SBSPON: variants seen among roughly 807,000 people sequenced by gnomAD.
The protein encoded by SBSPON is somatomedin-B and thrombospondin type-1 domain-containing protein.
Under a neutral mutation model 35.8 loss-of-function variants are expected in SBSPON, and 30 were observed. The observed-to-expected ratio is 0.84, with a 90% CI of 0.63 to 1.14. SBSPON has a LOEUF of 1.14. Among genes scored for constraint, SBSPON ranks in the 50% most tolerant of loss-of-function variants. The pLI is 0.00. For synonymous variants in SBSPON, 136 were observed against 135.9 expected, an observed-to-expected ratio of 1.00 and a Z score of 0.00; for missense variants, 364 against 357.7, an observed-to-expected ratio of 1.02 and a Z score of -0.14.
intron 2 of SBSPON, among the ~76,000 whole-genome samples, chr8:73,072,276 TAAAAG>T (rs1260439160): frequency 7.2e-6 from 1 of 138,522 alleles, no homozygotes; most frequent in African/African-American, 2.6e-5. Flanking sequence ...AATAAGATAA[TAAAAG>T]AATAGAAAGG....
At chr8:73,090,404 G>A (rs551341179) in intron 1 of SBSPON, among the ~76,000 whole-genome samples, 7 of 152,368 alleles carry the variant, frequency 4.6e-5, no homozygotes, top group South Asian at 2.1e-4. Flanking sequence ...GAGTTGCCCC[G>A]AACCAGCTTC....
chr8:73,071,994 TC>T lies in SBSPON; in HGVS notation c.410-125del, dbSNP rs951455585. 7.8e-5 allele frequency: 51 copies of T among 655,442 alleles called. No individual in the cohort carries two copies. In the African/African-American group the frequency reaches 8.3e-4, roughly 11 times the overall value. 40.6% of individuals were successfully genotyped at this position (655,442 alleles called of 1,614,324 possible). A position where few individuals can be genotyped will look rare whatever the true frequency, so the allele number is the denominator to read the frequency against. ...AAACTCACAGGGCTACGGCACACCA[TC>T]AAGGTGTGAAATGAGGCCAAGTTAC... On this transcript the variant is annotated intron_variant, in intron 2 of 4. Coordinates refer to ENST00000297354, the MANE Select transcript of SBSPON (RefSeq NM_153225.4).
At chr8:73,071,048 G>T (rs534932649) in intron 3 of SBSPON, among the ~76,000 whole-genome samples, 12 of 152,238 alleles carry the variant, frequency 7.9e-5, no homozygotes, top group African/African-American at 2.9e-4. Context: ...TAGAGATGGG[G>T]TTCTCACTAT....
chr8:73,092,918 A>G lies in SBSPON; in HGVS notation c.150T>C (p.Cys50=), dbSNP rs759585402. ...TGAAGCGACAGGCTTGGTCGCAGAA[A>G]CACGTCCCGTAGACCCTGTCCAGCC... ...GWRLDRVYGT[C]FCDQACRFTG... The change falls in exon 1 of 5, where the codon TGT becomes TGC. Residue 50 remains cysteine, a synonymous_variant. Coordinates refer to ENST00000297354, the MANE Select transcript of SBSPON (RefSeq NM_153225.4). The G allele has an allele frequency of 1.9e-6, 3 of 1,611,366 alleles. No individual in the cohort carries two copies. The highest frequency in any genetic ancestry group is 2.5e-6 in the Non-Finnish European group (3 of 1,179,352).
chr8:73,076,282 T>A (rs192259974), intron 2 of SBSPON, among the ~76,000 whole-genome samples: 1 of 152,156 alleles, frequency 6.6e-6, no homozygotes, highest in African/African-American at 2.4e-5. Context: ...AGAATGTCCA[T>A]GTCCTGATCC....
intron 2 of SBSPON, among the ~76,000 whole-genome samples, chr8:73,078,001 C>A (rs1403522752): frequency 6.6e-6 from 1 of 152,210 alleles, no homozygotes; most frequent in African/African-American, 2.4e-5. Flanking sequence ...AAAGAGGATA[C>A]TCTGGGAACT....
chr8:73,081,088 G>C lies in SBSPON; in HGVS notation c.340C>G (p.Pro114Ala), dbSNP rs778739192. The C allele has an allele frequency of 6.2e-7, 1 of 1,612,900 alleles. No homozygotes were observed. The highest frequency in any genetic ancestry group is 8.5e-7 in the Non-Finnish European group (1 of 1,179,512). Residue 114 changes from proline to alanine, a missense_variant, in exon 2 of 5, where the codon CCC becomes GCC. Physicochemically the swap from Pro to Ala is conservative, Grantham distance 27. Coordinates refer to ENST00000297354, the MANE Select transcript of SBSPON (RefSeq NM_153225.4). ...EPQNGGAPCP[P>A]LEERAGCLEY... Reference sequence around the variant, plus strand: ...AGGCAGCCAGCTCTCTCTTCCAGGGGTGGGCAGGGCGCCCCGCCGTTCTGA... The same window carrying C: ...AGGCAGCCAGCTCTCTCTTCCAGGGCTGGGCAGGGCGCCCCGCCGTTCTGA...
intron 1 of SBSPON, among the ~76,000 whole-genome samples, chr8:73,084,269 T>C (rs1810774830): frequency 6.6e-6 from 1 of 152,246 alleles, no homozygotes; most frequent in Admixed American, 6.5e-5. Flanking sequence ...GAATAAGTTA[T>C]ATATCTCAGT....
intron 2 of SBSPON, among the ~76,000 whole-genome samples, chr8:73,079,640 C>T (rs1810656847): frequency 1.3e-5 from 2 of 152,200 alleles, no homozygotes; most frequent in African/African-American, 2.4e-5. Flanking sequence ...AGGAAAGCCC[C>T]TCCTCCTCCT....
At chr8:73,071,678 A>C (rs1810493858) in intron 3 of SBSPON, 102 bp downstream of exon 3, 2 of 686,280 alleles carry the variant, frequency 2.9e-6, no homozygotes, top group Non-Finnish European at 5.0e-6. Flanking sequence ...TCAAAGAGCA[A>C]GTAGAAAGAA....
In SBSPON at chr8:73,066,387, T is replaced by C. The variant is rs771362542; in HGVS notation, c.*954A>G. 6.6e-6 allele frequency: 1 copy of C among 152,132 alleles called. No individual in the cohort carries two copies. The highest frequency in any genetic ancestry group is 1.5e-5 in the Non-Finnish European group (1 of 68,026). 9.4% of individuals were successfully genotyped at this position (152,132 alleles called of 1,614,324 possible). On this transcript the variant is annotated 3_prime_UTR_variant, in exon 5 of 5. Coordinates refer to ENST00000297354, the MANE Select transcript of SBSPON (RefSeq NM_153225.4). ...TTTTCCAATCATAAAATAAGGAGAC[T>C]AACATTTCCTTGTGTGTGTGTGAGA...
Position 73,077,752 on chromosome 8 carries a change from G to A in SBSPON, c.409+3267C>T, listed in dbSNP as rs141914267. On this transcript the variant is annotated intron_variant, in intron 2 of 4. Transcript: ENST00000297354. Reference sequence around the variant, plus strand: ...TGTCCCTCTTGTTTTCCTCTAGTAAGCCATCATTTTTCAAAGATCATTCCA... The same window carrying A: ...TGTCCCTCTTGTTTTCCTCTAGTAAACCATCATTTTTCAAAGATCATTCCA... Among the ~76,000 whole-genome samples, 259 of 152,204 alleles carry A rather than the reference G, an allele frequency of 1.7e-3. 1 individual carries two copies. The highest frequency in any genetic ancestry group is 6.1e-3 in the African/African-American group (253 of 41,524).
intron 2 of SBSPON, 127 bp from the exon 3 acceptor site, chr8:73,071,997 A>G: frequency 1.5e-6 from 1 of 647,804 alleles, no homozygotes; most frequent in East Asian, 2.7e-5. Context: ...CACACCATCA[A>G]GGTGTGAAAT....
intron 3 of SBSPON, 86 bp from the exon 4 acceptor site, chr8:73,070,067 A>T (rs1034976428): frequency 1.2e-6 from 1 of 821,538 alleles, no homozygotes; most frequent in Non-Finnish European, 1.9e-6. Flanking sequence ...TGTCACCTCC[A>T]AGGGCATTTG....
chr8:73,079,075 C>T (rs1004043166), intron 2 of SBSPON, among the ~76,000 whole-genome samples: 1 of 152,138 alleles, frequency 6.6e-6, no homozygotes, highest in Non-Finnish European at 1.5e-5. Context: ...TGGCACAAAA[C>T]TCAAATTTTT....
intron 1 of SBSPON, among the ~76,000 whole-genome samples, chr8:73,082,075 C>T (rs1810717942): frequency 6.6e-6 from 1 of 152,202 alleles, no homozygotes; most frequent in Non-Finnish European, 1.5e-5. Flanking sequence ...TGATGGACAA[C>T]TAAAGCCATT....
intron 1 of SBSPON, among the ~76,000 whole-genome samples, chr8:73,088,500 T>C (rs748584435): frequency 1.3e-5 from 2 of 152,098 alleles, no homozygotes; most frequent in Non-Finnish European, 2.9e-5. Flanking sequence ...TTGGGCAACA[T>C]GGGGAAACTT....
intron 2 of SBSPON, chr8:73,074,549 C>T (rs996858757): frequency 2.0e-6 from 2 of 981,378 alleles, no homozygotes; most frequent in Non-Finnish European, 1.2e-6. Flanking sequence ...GGCAACGTCT[C>T]CGAAATCAAA....
rs1237041512 is a variant in SBSPON at position 73,067,231 on chromosome 8, A to G, written c.*110T>C. The stretch of plus-strand genomic sequence containing the variant: ...TCTTTCTCTACTTCAGAGTGTGGCA[A>G]TGATGTGTTTGGGGACTTTGGCCAA... On this transcript the variant is annotated 3_prime_UTR_variant, in exon 5 of 5. Transcript: ENST00000297354. 1 of 635,380 alleles carries G rather than the reference A, an allele frequency of 1.6e-6. No homozygotes were observed. Among genetic ancestry groups the G allele is most frequent in the African/African-American group, 1.8e-5 (1 of 54,798 alleles). The allele number at this position is 635,380 out of a possible 1,614,324, so 39.4% of individuals were successfully genotyped here. A position where few individuals can be genotyped will look rare whatever the true frequency, so the allele number is the denominator to read the frequency against.
Sources: gnomAD v4.1 joint callset for allele counts (sites outside exome capture counted in the v4.1 genomes callset) on GRCh38, gnomAD v4.1.1 for gene constraint, MANE v1.5 for transcripts, NCBI Gene and HGNC (gene_info 2026-07-23, HGNC 2026-07-21) for gene names.